Variants in JAK2 observed in about 807,000 individuals in gnomAD.
JAK2 encodes the protein Janus kinase 2.
Under a neutral mutation model 139.3 loss-of-function variants are expected in JAK2, and 86 were observed. That is an observed-to-expected ratio of 0.62 (90% CI 0.52 to 0.74). The LOEUF (loss-of-function observed/expected upper bound fraction) is 0.74, where lower values mean the gene tolerates loss of function less well. Ranked by LOEUF, JAK2 falls within the 30% of genes least tolerant of loss-of-function variation. The probability of loss-of-function intolerance (pLI) is 0.00; values close to 1 mark genes in which losing one functional copy is unlikely to be tolerated. For synonymous variants in JAK2, 490 were observed against 437.7 expected, an observed-to-expected ratio of 1.12 and a Z score of -1.49; for missense variants, 1,421 against 1,360.3, an observed-to-expected ratio of 1.04 and a Z score of -0.70.
rs1586705230 is a variant in JAK2, at chr9:5,050,825, C to G, written c.608C>G (p.Ser203Cys). 1 of 1,612,748 alleles carries G rather than the reference C, an allele frequency of 6.2e-7. No homozygotes were observed. Among genetic ancestry groups the G allele is most frequent in the Non-Finnish European group, 8.5e-7 (1 of 1,179,128 alleles). Residue 203 changes from serine to cysteine, a missense_variant, in exon 6 of 25, where the codon TCT becomes TGT. Physicochemically the swap from Ser to Cys is moderately radical, Grantham distance 112. Coordinates refer to ENST00000381652, the MANE Select transcript of JAK2 (RefSeq NM_004972.4). ...NDQTPLAIYN[S>C]ISYKTFLPKC... ...CAAACCCCACTGGCCATCTATAACTCTATCAGGTAATTTTCTTTTGCAAAT... is the reference window on the plus strand; with the variant it reads ...CAAACCCCACTGGCCATCTATAACTGTATCAGGTAATTTTCTTTTGCAAAT...
intron 4 of JAK2, among the ~76,000 whole-genome samples, chr9:5,034,642 G>A (rs1823435614): frequency 6.6e-6 from 1 of 151,806 alleles, no homozygotes; most frequent in African/African-American, 2.4e-5. Flanking sequence ...ATGACTACTG[G>A]GTACATAACG....
At position 5,106,833 on chromosome 9, in the gene JAK2, G is replaced by C. The variant is rs547952964; in HGVS notation, c.3059+15922G>C. Among the ~76,000 whole-genome samples the C allele has an allele frequency of 2.0e-5, 3 of 152,236 alleles. No homozygotes were observed. The South Asian group carries it at 6.2e-4, about 32-fold the overall frequency. On this transcript the variant is annotated intron_variant, in intron 22 of 24. Coordinates refer to ENST00000381652, the MANE Select transcript of JAK2 (RefSeq NM_004972.4). ...CAAACACTGCATGTTCTCACTCATAGGTGGGAGTTGAACAATGAGAACACT... is the reference window on the plus strand; with the variant it reads ...CAAACACTGCATGTTCTCACTCATACGTGGGAGTTGAACAATGAGAACACT...
At chr9:5,041,366 A>G (rs1816494810) in intron 4 of JAK2, 2 of 621,608 alleles carry the variant, frequency 3.2e-6, no homozygotes, top group African/African-American at 1.8e-5. Context: ...GAGCATCAAC[A>G]TGCACCTGGG....
chr9:5,049,319 C>A (rs1269874027), intron 5 of JAK2, among the ~76,000 whole-genome samples: 4 of 152,194 alleles, frequency 2.6e-5, no homozygotes, highest in Admixed American at 2.0e-4. Flanking sequence ...CGGACCCCAA[C>A]TTACTTTTCT....
In JAK2 at chr9:5,112,258, C is replaced by A. The variant is rs374452229; in HGVS notation, c.3060-10746C>A. 9.0e-5 allele frequency: 23 copies of A among 256,126 alleles called. No individual in the cohort carries two copies. The East Asian group carries it at 2.2e-3, about 24-fold the overall frequency. 15.9% of individuals were successfully genotyped at this position (256,126 alleles called of 1,614,324 possible). A position where few individuals can be genotyped will look rare whatever the true frequency, so the allele number is the denominator to read the frequency against. On this transcript the variant is annotated intron_variant, in intron 22 of 24. Transcript: ENST00000381652. ...TGGTTGGAGGCGAACACCCTGAGGA[C>A]GGCCCTGCGGGCAGCGCCAGCCTCA...
At position 5,055,708 on chromosome 9, in the gene JAK2, G is replaced by T. The variant is rs1162620687; in HGVS notation, c.976G>T (p.Val326Phe). 6.3e-7 allele frequency: 1 copy of T among 1,588,040 alleles called. No individual in the cohort carries two copies. Among genetic ancestry groups the T allele is most frequent in the Non-Finnish European group, 8.6e-7 (1 of 1,157,600 alleles). Reference protein sequence around the residue: ...LYCDFPNIIDVSIKQANQEGS... With the variant: ...LYCDFPNIIDFSIKQANQEGS... The stretch of plus-strand genomic sequence containing the variant: ...TTGCGATTTTCCTAATATTATTGAT[G>T]TCAGTATTAAGCAAGCAAACCAAGA... The change falls in exon 8 of 25, where the codon GTC becomes TTC. Residue 326 changes from valine (V) to phenylalanine (F), a missense_variant. By Grantham distance (50) the Val-to-Phe change is conservative (BLOSUM62 -1). Transcript: ENST00000381652.
chr9:5,015,505 T>C (rs1821985164), intron 2 of JAK2, among the ~76,000 whole-genome samples: 1 of 151,428 alleles, frequency 6.6e-6, no homozygotes, highest in Non-Finnish European at 1.5e-5. Context: ...CTGGTTGTAG[T>C]TGTGATCATT....
chr9:5,019,072 G>C (rs558117218), intron 2 of JAK2, among the ~76,000 whole-genome samples: 1 of 152,206 alleles, frequency 6.6e-6, no homozygotes, highest in Admixed American at 6.5e-5. Flanking sequence ...GGATCTCTGA[G>C]CTTCTGTATC....
At chr9:5,063,971 C>A (rs760632910) in intron 8 of JAK2, among the ~76,000 whole-genome samples, 1 of 152,166 alleles carries the variant, frequency 6.6e-6, no homozygotes, top group Non-Finnish European at 1.5e-5. Context: ...GCCTGGCCAA[C>A]ATGTTGAAAC....
chr9:5,061,037 A>G (rs62541558), intron 8 of JAK2, among the ~76,000 whole-genome samples: 5,606 of 152,308 alleles, frequency 0.037, 157 homozygotes, highest in Non-Finnish European at 0.057. Context: ...TTTGAAAGCA[A>G]TCTTTTTTTC....
intron 8 of JAK2, among the ~76,000 whole-genome samples, chr9:5,063,813 A>T (rs1428359334): frequency 6.6e-6 from 1 of 152,228 alleles, no homozygotes; most frequent in Non-Finnish European, 1.5e-5. Flanking sequence ...ATATTTTCCC[A>T]TGTAAGTAAC....
intron 14 of JAK2, among the ~76,000 whole-genome samples, chr9:5,074,938 C>A (rs1276221612): frequency 6.6e-6 from 1 of 152,196 alleles, no homozygotes; most frequent in Non-Finnish European, 1.5e-5. Context: ...TTGAAGGAAA[C>A]TGAAAGTGCT....
chr9:4,998,431 A>G (rs558572679), intron 2 of JAK2, among the ~76,000 whole-genome samples: 15 of 151,994 alleles, frequency 9.9e-5, no homozygotes, highest in African/African-American at 3.6e-4. Context: ...TAATTTTTGT[A>G]TTTTTAGTAG....
At chr9:5,118,969 A>G (rs1300665799) in intron 22 of JAK2, among the ~76,000 whole-genome samples, 1 of 152,208 alleles carries the variant, frequency 6.6e-6, no homozygotes, top group Non-Finnish European at 1.5e-5. Context: ...AATTCCAACT[A>G]TATGTTACAC....
At position 5,076,510 on chromosome 9, in the gene JAK2, T is replaced by A. The variant is rs186796446; in HGVS notation, c.1865-943T>A. The stretch of plus-strand genomic sequence containing the variant: ...ACCTTTTTTGGCAATAAAGTATTTT[T>A]AAAAAGATATATTCTTTGTTTTTTT... On this transcript the variant is annotated intron_variant, in intron 14 of 24. Transcript: ENST00000381652. 1.1e-3 allele frequency among the ~76,000 whole-genome samples: 174 copies of A among 152,268 alleles called. 1 individual carries two copies. Among genetic ancestry groups the A allele is most frequent in the African/African-American group, 3.8e-3 (159 of 41,564 alleles).
At chr9:5,016,734 G>C (rs1029908519) in intron 2 of JAK2, among the ~76,000 whole-genome samples, 6 of 152,122 alleles carry the variant, frequency 3.9e-5, no homozygotes, top group African/African-American at 1.4e-4. Context: ...CCTCCTGCCA[G>C]TTATTCTCCA....
intron 4 of JAK2, chr9:5,041,619 C>A: frequency 4.0e-6 from 2 of 496,912 alleles, no homozygotes; most frequent in Non-Finnish European, 8.1e-6. Context: ...TGACTACATG[C>A]GGCGCCTGGA....
intron 2 of JAK2, among the ~76,000 whole-genome samples, chr9:4,992,239 G>C (rs564848959): frequency 2.0e-5 from 3 of 152,308 alleles, no homozygotes; most frequent in African/African-American, 7.2e-5. Flanking sequence ...ATGTGGCCTG[G>C]ATTTCCTCAC....
At chr9:5,107,278 C>A (rs4593605) in intron 22 of JAK2, among the ~76,000 whole-genome samples, 37,446 of 151,978 alleles carry the variant, frequency 0.25, 4,993 homozygotes, top group South Asian at 0.3. Context: ...ACTACTACTA[C>A]TAATTACATT....
Sources: allele counts gnomAD v4.1 joint callset (sites outside exome capture counted in the v4.1 genomes callset), GRCh38; gene constraint gnomAD v4.1.1; transcripts MANE v1.5; gene names NCBI Gene and HGNC (gene_info 2026-07-23, HGNC 2026-07-21).